The following NKD1 variants were observed in gnomAD, a reference collection of about 807,000 sequenced individuals.
NKD1 encodes the protein NKD inhibitor of Wnt signaling pathway 1.
NKD1 carries 21 observed loss-of-function variants against 56.0 expected under a neutral mutation model. The ratio of observed to expected loss-of-function variants is 0.38; its 90% confidence interval spans 0.27 to 0.54. The LOEUF is 0.54. Ranked by LOEUF, NKD1 falls within the 20% of genes least tolerant of loss-of-function variation. NKD1 has a pLI of 0.82. For missense variants in NKD1, 578 were observed against 642.7 expected (o/e 0.90, Z 1.09); for synonymous variants, 263 against 265.7 (o/e 0.99, Z 0.10).
intron 3 of NKD1, chr16:50,571,346 C>T (rs1031651869): frequency 3.6e-6 from 1 of 278,320 alleles, no homozygotes; most frequent in Non-Finnish European, 5.5e-6. Flanking sequence ...AGGATGAGGA[C>T]GAGCAGCTGG....
Position 50,632,297 on chromosome 16 carries a change from C to A in NKD1, c.712C>A (p.Arg238Ser), listed in dbSNP as rs767868407. Residue 238 changes from arginine (R) to serine (S), a missense_variant, in exon 9 of 10, where the codon CGC becomes AGC. Coordinates refer to ENST00000268459, the MANE Select transcript of NKD1 (RefSeq NM_033119.5). This position sits in a 1 kb window ranked among gnomAD's most constrained non-coding sequence, Gnocchi z 4.1. ...RAPLRFQGDS[R>S]LEQSGCYHHC... ...CTGCCGTAGGTTCCAGGGTGACAGC[C>A]GCCTGGAGCAGTCTGGCTGCTACCA... 5.0e-6 allele frequency: 8 copies of A among 1,613,932 alleles called. No homozygotes were observed. The African/African-American group carries it at 1.1e-4, about 22-fold the overall frequency.
intron 3 of NKD1, among the ~76,000 whole-genome samples, chr16:50,589,414 T>C (rs549435967): frequency 3.9e-5 from 6 of 152,038 alleles, no homozygotes; most frequent in African/African-American, 1.4e-4. Context: ...TCCTCATGGG[T>C]TTTGTTTGGT....
chr16:50,553,065 T>G (rs1020992873), intron 3 of NKD1, among the ~76,000 whole-genome samples: 1 of 152,014 alleles, frequency 6.6e-6, no homozygotes, highest in South Asian at 2.1e-4. Context: ...GAAAGCAAAA[T>G]AAGCATCATA....
intron 3 of NKD1, among the ~76,000 whole-genome samples, chr16:50,561,965 G>GTCTC (rs1277125744): frequency 2.6e-5 from 4 of 152,216 alleles, no homozygotes; most frequent in African/African-American, 9.7e-5. Context: ...AACTGTCTTG[G>GTCTC]TGAAGTGACA....
At chr16:50,611,239 G>A (rs1243228594) in intron 4 of NKD1, among the ~76,000 whole-genome samples, 3 of 152,150 alleles carry the variant, frequency 2.0e-5, no homozygotes, top group East Asian at 3.9e-4. Flanking sequence ...CCTGGTGAAC[G>A]CTGCCCCCGC....
At chr16:50,605,059 G>A (rs1421320645) in intron 3 of NKD1, among the ~76,000 whole-genome samples, 1 of 152,258 alleles carries the variant, frequency 6.6e-6, no homozygotes, top group Non-Finnish European at 1.5e-5. Flanking sequence ...GGTTGCATGA[G>A]TAGGAGCCCG....
At chr16:50,599,574 A>G (rs1346870409) in intron 3 of NKD1, among the ~76,000 whole-genome samples, 1 of 152,138 alleles carries the variant, frequency 6.6e-6, no homozygotes. Context: ...AACGTGCTTC[A>G]TGGAACACTT....
chr16:50,580,291 C>T (rs1961089721), intron 3 of NKD1, among the ~76,000 whole-genome samples: 1 of 152,256 alleles, frequency 6.6e-6, no homozygotes, highest in South Asian at 2.1e-4. Flanking sequence ...TGGCCTCACA[C>T]TGTGTGCTCA....
intron 3 of NKD1, among the ~76,000 whole-genome samples, chr16:50,586,283 T>C (rs1325769354): frequency 1.3e-5 from 2 of 151,380 alleles, no homozygotes; most frequent in African/African-American, 4.9e-5. Flanking sequence ...TTAGTCAAGG[T>C]GGTGGCCCAC....
chr16:50,607,220 CA>C (rs528130248), intron 3 of NKD1: 8 of 344,996 alleles, frequency 2.3e-5, no homozygotes, highest in South Asian at 6.7e-5. Context: ...AAACAAAAAA[CA>C]AAAAAAAGCA....
intron 3 of NKD1, among the ~76,000 whole-genome samples, chr16:50,600,748 G>A (rs1189162148): frequency 6.6e-6 from 1 of 152,118 alleles, no homozygotes; most frequent in African/African-American, 2.4e-5. Context: ...GGGATTATGA[G>A]TACCCTGTCG....
chr16:50,619,294 G>C (rs1193747398), intron 4 of NKD1, among the ~76,000 whole-genome samples: 1 of 152,124 alleles, frequency 6.6e-6, no homozygotes, highest in Non-Finnish European at 1.5e-5. Flanking sequence ...GGGTCAAGCA[G>C]GATCGTTGGG....
chr16:50,585,463 C>T (rs1433100858), intron 3 of NKD1, among the ~76,000 whole-genome samples: 2 of 152,214 alleles, frequency 1.3e-5, no homozygotes, highest in Non-Finnish European at 2.9e-5. Flanking sequence ...GACGTGCATC[C>T]TGGGCCTTGG....
chr16:50,550,859 G>A lies in NKD1; in HGVS notation c.192+1304G>A, dbSNP rs537314457. ...ACAGCTCCAGACAGAGGCCAACTGA[G>A]TGGATTTCCATTAATCAAGTTTTGG... is the stretch of plus-strand genomic sequence containing the variant. On this transcript the variant is annotated intron_variant, in intron 3 of 9. Coordinates refer to ENST00000268459, the MANE Select transcript of NKD1 (RefSeq NM_033119.5). 2.6e-5 allele frequency among the ~76,000 whole-genome samples: 4 copies of A among 152,342 alleles called. No homozygotes were observed. The East Asian group carries it at 7.7e-4, about 29-fold the overall frequency.
chr16:50,619,730 G>C (rs1962043880), intron 4 of NKD1, among the ~76,000 whole-genome samples: 1 of 152,172 alleles, frequency 6.6e-6, no homozygotes, highest in Admixed American at 6.5e-5. Flanking sequence ...TCTGGGGAAG[G>C]GGTTGGTAGC....
At chr16:50,576,797 A>G (rs187709399) in intron 3 of NKD1, among the ~76,000 whole-genome samples, 131 of 151,200 alleles carry the variant, frequency 8.7e-4, no homozygotes, top group African/African-American at 2.9e-3. Flanking sequence ...TTGGGAAAAG[A>G]AGAAAGTTAT....
At position 50,644,277 on chromosome 16, in the gene NKD1, T is replaced by C. The variant is rs6500325; in HGVS notation, c.*10496T>C. On this transcript the variant is annotated 3_prime_UTR_variant, in exon 10 of 10. Transcript: ENST00000268459. ...ATTATTTGGTTTCCACCAAAGCACTTGTTCACCAGATTATCTTATAATCCC... is the reference window on the plus strand; with the variant it reads ...ATTATTTGGTTTCCACCAAAGCACTCGTTCACCAGATTATCTTATAATCCC... The C allele has an allele frequency of 0.6, 91,792 of 152,150 alleles. 28,466 individuals carry two copies. Among genetic ancestry groups the C allele is most frequent in the Non-Finnish European group, 0.67 (45,546 of 67,986 alleles). 9.4% of individuals were successfully genotyped at this position (152,150 alleles called of 1,614,324 possible).
At chr16:50,615,180 A>C (rs1457990592) in intron 4 of NKD1, among the ~76,000 whole-genome samples, 1 of 152,190 alleles carries the variant, frequency 6.6e-6, no homozygotes, top group Non-Finnish European at 1.5e-5. Flanking sequence ...GGTCTGAGAG[A>C]GTGGACAGGC....
At chr16:50,562,047 C>G (rs1007499154) in intron 3 of NKD1, among the ~76,000 whole-genome samples, 1 of 152,186 alleles carries the variant, frequency 6.6e-6, no homozygotes, top group Non-Finnish European at 1.5e-5. Context: ...CACATACTTA[C>G]AAGAACATTC....
Sources: allele counts gnomAD v4.1 joint callset (sites outside exome capture counted in the v4.1 genomes callset), GRCh38; gene constraint gnomAD v4.1.1; non-coding constraint Gnocchi (gnomAD v3.1); transcripts MANE v1.5; gene names NCBI Gene and HGNC (gene_info 2026-07-23, HGNC 2026-07-21).